Variants in KLF11 observed in about 807,000 individuals in gnomAD.
The protein encoded by KLF11 is KLF transcription factor 11.
Under a neutral mutation model 29.9 loss-of-function variants are expected in KLF11, and 26 were observed. The observed-to-expected ratio is 0.87, with a 90% CI of 0.64 to 1.21. The LOEUF is 1.21. KLF11 is among the 50% of genes most tolerant of loss of function. The pLI, the probability that KLF11 is intolerant of heterozygous loss-of-function variation, is 0.00. For synonymous variants in KLF11, 318 were observed against 257.4 expected (o/e 1.24, Z -2.25); for missense variants, 778 against 665.7 (o/e 1.17, Z -1.86).
In KLF11 at chr2:10,048,307, G is replaced by C. The variant is rs770836713; in HGVS notation, c.970G>C (p.Ala324Pro). 6.2e-7 allele frequency: 1 copy of C among 1,600,092 alleles called. No individual in the cohort carries two copies. Among genetic ancestry groups the C allele is most frequent in the Non-Finnish European group, 8.5e-7 (1 of 1,171,578 alleles). ...VRPILAQAAP[A>P]PQPVFVGPAV... Reference sequence around the variant, plus strand: ...ACCCATCCTAGCTCAGGCTGCTCCAGCGCCTCAACCTGTGTTCGTGGGACC... The same window carrying C: ...ACCCATCCTAGCTCAGGCTGCTCCACCGCCTCAACCTGTGTTCGTGGGACC... The change falls in exon 3 of 4, where the codon GCG (alanine) becomes CCG (proline). Residue 324 changes from alanine to proline, a missense_variant. Ala to Pro is a conservative substitution (Grantham distance 27). Coordinates refer to ENST00000305883, the MANE Select transcript of KLF11 (RefSeq NM_003597.5).
At chr2:10,046,459 A>G (rs1365279920) in intron 2 of KLF11, 40 bp downstream of exon 2, 9 of 1,604,568 alleles carry the variant, frequency 5.6e-6, no homozygotes, top group Admixed American at 5.0e-5. Flanking sequence ...TTGTGAAATG[A>G]CTAGAGTAGC....
At position 10,052,556 on chromosome 2, in the gene KLF11, AG is replaced by A; in HGVS notation, c.*51del. 1 of 1,592,814 alleles carries A rather than the reference AG, an allele frequency of 6.3e-7. No homozygotes were observed. The highest frequency in any genetic ancestry group is 1.3e-5 in the African/African-American group (1 of 74,764). ...TGGGATTTTTAAAAAGCCTCTTTCC[AG>A]GAATGGAACTGATGGATTCCTCTCC... On this transcript the variant is annotated 3_prime_UTR_variant, in exon 4 of 4. Transcript: ENST00000305883.
intron 2 of KLF11, among the ~76,000 whole-genome samples, chr2:10,047,406 G>T (rs55848997): frequency 1.3e-5 from 2 of 152,272 alleles, no homozygotes; most frequent in East Asian, 3.9e-4. Context: ...TGGGCCTGGC[G>T]GCCAGGAGCT....
At position 10,048,546 on chromosome 2, in the gene KLF11, G is replaced by T. The variant is rs1232813165; in HGVS notation, c.1209G>T (p.Lys403Asn). 16 of 1,609,692 alleles carry T rather than the reference G, an allele frequency of 9.9e-6. No individual in the cohort carries two copies. The highest frequency in any genetic ancestry group is 2.7e-5 in the African/African-American group (2 of 74,912). Residue 403 changes from lysine to asparagine, a missense_variant, in exon 3 of 4, where the codon AAG becomes AAT. Lys to Asn is a moderately conservative substitution (Grantham distance 94). Transcript: ENST00000305883. ...TATGCAGCTTCCCAGGTTGCCGGAA[G>T]ACCTACTTCAAAAGTTCCCACCTTA... ...NYVCSFPGCR[K>N]TYFKSSHLKA...
chr2:10,052,595 C>A lies in KLF11; in HGVS notation c.*88C>A. ...TGGATTCCTCTCCCACTGCCTCACC[C>A]AAAAAAAACGGTCTTGGCGGCCTAG... On this transcript the variant is annotated 3_prime_UTR_variant, in exon 4 of 4. Coordinates refer to ENST00000305883, the MANE Select transcript of KLF11 (RefSeq NM_003597.5). 2 of 1,427,532 alleles carry A rather than the reference C, an allele frequency of 1.4e-6. No individual in the cohort carries two copies. The highest frequency in any genetic ancestry group is 1.9e-6 in the Non-Finnish European group (2 of 1,036,692). The allele number at this position is 1,427,532 out of a possible 1,614,324, so 88.4% of individuals were successfully genotyped here.
intron 3 of KLF11, among the ~76,000 whole-genome samples, chr2:10,049,021 A>G (rs1303934135): frequency 6.6e-6 from 1 of 151,938 alleles, no homozygotes; most frequent in African/African-American, 2.4e-5. Context: ...AAACTATAGA[A>G]AAGTTCAAAT....
intron 1 of KLF11, among the ~76,000 whole-genome samples, chr2:10,044,831 C>T (rs1213231104): frequency 2.6e-5 from 4 of 152,066 alleles, no homozygotes; most frequent in Admixed American, 2.0e-4. Context: ...CCAGCCTCTT[C>T]CCTCCTCCCC....
In KLF11 at chr2:10,047,830, A is replaced by G. The variant is rs767946858; in HGVS notation, c.493A>G (p.Ser165Gly). Residue 165 changes from serine (S) to glycine (G), a missense_variant, in exon 3 of 4, where the codon AGC (serine) becomes GGC (glycine). Transcript: ENST00000305883. ...CTTGCTGGGTTTGGAGCCAGTGCCC[A>G]GCTCTCCCTGCAGGGCCAAGGGGAC... Reference protein sequence around the residue: ...RGLLGLEPVPSSPCRAKGTSV... With the variant: ...RGLLGLEPVPGSPCRAKGTSV... The G allele has an allele frequency of 1.9e-6, 3 of 1,613,812 alleles. No homozygotes were observed. In the Admixed American group the frequency reaches 5.0e-5, roughly 27 times the overall value.
At position 10,047,805 on chromosome 2, in the gene KLF11, C is replaced by T. The variant is rs1572439984; in HGVS notation, c.468C>T (p.Gly156=). ...CTCTGAGCGGGGGCGCGGAGAGGGG[C>T]TTGCTGGGTTTGGAGCCAGTGCCCA... is the stretch of plus-strand genomic sequence containing the variant. ...ARALSGGAER[G]LLGLEPVPSS... is the part of the protein sequence containing the mutation. Residue 156 remains glycine, a synonymous_variant, in exon 3 of 4, where the codon GGC becomes GGT. Coordinates refer to ENST00000305883, the MANE Select transcript of KLF11 (RefSeq NM_003597.5). 2 of 1,613,728 alleles carry T rather than the reference C, an allele frequency of 1.2e-6. No individual in the cohort carries two copies. Among genetic ancestry groups the T allele is most frequent in the Non-Finnish European group, 1.7e-6 (2 of 1,179,966 alleles).
intron 3 of KLF11, among the ~76,000 whole-genome samples, chr2:10,051,922 A>G (rs1661418356): frequency 6.6e-6 from 1 of 152,188 alleles, no homozygotes; most frequent in Admixed American, 6.5e-5. Context: ...GATCGTCTCC[A>G]GCCTCCCAAA....
chr2:10,043,910 G>A, intron 1 of KLF11, 152 bp downstream of exon 1: 1 of 1,034,168 alleles, frequency 9.7e-7, no homozygotes, highest in East Asian at 8.0e-5. Context: ...GCGGGCTCCG[G>A]AGCCGGGCGG....
At chr2:10,051,404 G>T (rs747913485) in intron 3 of KLF11, among the ~76,000 whole-genome samples, 1 of 151,454 alleles carries the variant, frequency 6.6e-6, no homozygotes, top group East Asian at 1.9e-4. Flanking sequence ...AGACAGTTTC[G>T]CCATGTTGGT....
chr2:10,045,727 C>G (rs953827528), intron 1 of KLF11, among the ~76,000 whole-genome samples: 1 of 152,262 alleles, frequency 6.6e-6, no homozygotes, highest in Non-Finnish European at 1.5e-5. Context: ...TTTGCCGCCT[C>G]AGAGAGCCAT....
At chr2:10,044,160 T>C (rs62127532) in intron 1 of KLF11, 4 of 135,442 alleles carry the variant, frequency 3.0e-5, no homozygotes, top group Non-Finnish European at 2.6e-5. Flanking sequence ...CGCGGCACGG[T>C]TTTGGGGGCG....
In KLF11 at chr2:10,049,689, C is replaced by G. The variant is rs577472131; in HGVS notation, c.1258+1094C>G. 3.3e-5 allele frequency among the ~76,000 whole-genome samples: 5 copies of G among 152,334 alleles called. No homozygotes were observed. The East Asian group carries it at 9.6e-4, about 29-fold the overall frequency. On this transcript the variant is annotated intron_variant, in intron 3 of 3. Transcript: ENST00000305883. The stretch of plus-strand genomic sequence containing the variant: ...CCTAGGATTAGTTATTAGATTGTTT[C>G]TTTATCTTCCTTCTTTGACCCTAGT...
chr2:10,046,023 G>C, intron 1 of KLF11, 127 bp from the exon 2 acceptor site: 3 of 1,079,620 alleles, frequency 2.8e-6, no homozygotes, highest in Non-Finnish European at 4.3e-6. Context: ...GGTGTTTGTT[G>C]CTATAGACTA....
rs187797997 is a variant in KLF11 at position 10,046,032 on chromosome 2, T to C, written c.43-118T>C. ...CACCTCGGTGTTTGTTGCTATAGACTATTGCATGTGCATTACATGCCTACT... is the reference window on the plus strand; with the variant it reads ...CACCTCGGTGTTTGTTGCTATAGACCATTGCATGTGCATTACATGCCTACT... On this transcript the variant is annotated intron_variant, in intron 1 of 3. Transcript: ENST00000305883. The C allele has an allele frequency of 3.5e-6, 4 of 1,133,920 alleles. No individual in the cohort carries two copies. The East Asian group carries it at 9.3e-5, about 26-fold the overall frequency. 70.2% of individuals were successfully genotyped at this position (1,133,920 alleles called of 1,614,324 possible).
intron 1 of KLF11, among the ~76,000 whole-genome samples, chr2:10,045,643 C>A (rs754544265): frequency 1.3e-5 from 2 of 152,238 alleles, no homozygotes; most frequent in African/African-American, 2.4e-5. Flanking sequence ...GCCCTACCTG[C>A]GTGGAGTGCT....
At position 10,048,698 on chromosome 2, in the gene KLF11, C is replaced by T. The variant is rs953318063; in HGVS notation, c.1258+103C>T. On this transcript the variant is annotated intron_variant, in intron 3 of 3. Coordinates refer to ENST00000305883, the MANE Select transcript of KLF11 (RefSeq NM_003597.5). ...GGGAGGGGATCATGAGAACCCCTGG[C>T]GAAGGTGGAAGTGTGGCTTTTTCTT... 13 of 866,972 alleles carry T rather than the reference C, an allele frequency of 1.5e-5. 1 individual carries two copies. Among genetic ancestry groups the T allele is most frequent in the African/African-American group, 5.0e-5 (3 of 60,298 alleles). The allele number at this position is 866,972 out of a possible 1,614,324, so 53.7% of individuals were successfully genotyped here. A position where few individuals can be genotyped will look rare whatever the true frequency, so the allele number is the denominator to read the frequency against.
Sources: allele counts gnomAD v4.1 joint callset (sites outside exome capture counted in the v4.1 genomes callset), GRCh38; gene constraint gnomAD v4.1.1; transcripts MANE v1.5; gene names NCBI Gene and HGNC (gene_info 2026-07-23, HGNC 2026-07-21).